Variants in CATSPERT observed in about 807,000 individuals in gnomAD.
CATSPERT encodes cation channel sperm-associated targeting subunit tau.
the CATSPERT span, among the ~76,000 whole-genome samples, chr2:201,497,722 G>A: frequency 5.9e-5 from 9 of 152,296 alleles, no homozygotes; most frequent in African/African-American, 1.7e-4. Context: ...CTTCAGTAAA[G>A]TAATATTGGG....
the CATSPERT span, chr2:201,618,866 CCTCCAGGTG>C: frequency 6.2e-7 from 1 of 1,605,900 alleles, no homozygotes; most frequent in Non-Finnish European, 8.5e-7. Context: ...TGGCCCCGGT[CCTCCAGGTG>C]CCGGCCAGGC....
the CATSPERT span, among the ~76,000 whole-genome samples, chr2:201,571,472 A>T: frequency 6.6e-6 from 1 of 152,304 alleles, no homozygotes; most frequent in South Asian, 2.1e-4. Flanking sequence ...TTGGTTTGCT[A>T]ATGACATTTG....
the CATSPERT span, chr2:201,487,955 G>T: frequency 2.2e-3 from 3,150 of 1,442,138 alleles, 9 homozygotes; most frequent in Non-Finnish European, 2.8e-3. Context: ...TTAAAAGTAG[G>T]TTTTAAATTT....
the CATSPERT span, among the ~76,000 whole-genome samples, chr2:201,516,799 C>T: frequency 2.3e-4 from 22 of 94,936 alleles, no homozygotes; most frequent in South Asian, 3.6e-4. Flanking sequence ...TGGGGGTGGG[C>T]GGGGAAGGGG....
the CATSPERT span, chr2:201,553,782 C>T: frequency 2.0e-5 from 3 of 152,192 alleles, no homozygotes; most frequent in Non-Finnish European, 4.4e-5. Context: ...AACATCTATA[C>T]AGAAAAATCA....
At chr2:201,538,882 T>A in the CATSPERT span, among the ~76,000 whole-genome samples, 1 of 152,148 alleles carries the variant, frequency 6.6e-6, no homozygotes, top group South Asian at 2.1e-4. Context: ...TGTGCTCTCA[T>A]CATTTAGCTC....
At chr2:201,562,942 G>A in the CATSPERT span, among the ~76,000 whole-genome samples, 40 of 149,494 alleles carry the variant, frequency 2.7e-4, no homozygotes, top group African/African-American at 6.9e-4. Context: ...GCAACCATCC[G>A]ATTTCTCAAT....
the CATSPERT span, among the ~76,000 whole-genome samples, chr2:201,533,248 A>T: frequency 6.6e-6 from 1 of 152,368 alleles, no homozygotes; most frequent in East Asian, 1.9e-4. Flanking sequence ...GTGAAATTTC[A>T]GCCTTCACTG....
chr2:201,577,102 T>C, the CATSPERT span, among the ~76,000 whole-genome samples: 1 of 152,182 alleles, frequency 6.6e-6, no homozygotes, highest in African/African-American at 2.4e-5. Flanking sequence ...AAGACTTTGT[T>C]TCATGCACAA....
the CATSPERT span, chr2:201,565,850 C>T: frequency 6.2e-7 from 1 of 1,602,800 alleles, no homozygotes; most frequent in East Asian, 2.2e-5. Context: ...GGATATTCTA[C>T]TGTCTGTGGT....
chr2:201,514,287 C>T, the CATSPERT span, among the ~76,000 whole-genome samples: 1 of 152,068 alleles, frequency 6.6e-6, no homozygotes, highest in Non-Finnish European at 1.5e-5. Flanking sequence ...AAAAACTTCT[C>T]ATAAAATTTA....
chr2:201,493,468 A>C, the CATSPERT span: 1 of 1,537,300 alleles, frequency 6.5e-7, no homozygotes, highest in East Asian at 2.4e-5. Context: ...CGTACCCAGC[A>C]AAGAACTCTT....
At chr2:201,601,932 A>T in the CATSPERT span, 1 of 1,370,718 alleles carries the variant, frequency 7.3e-7, no homozygotes, top group South Asian at 1.3e-5. Flanking sequence ...GTAATTGAAC[A>T]ATAATACATT....
the CATSPERT span, among the ~76,000 whole-genome samples, chr2:201,575,048 A>AG: frequency 4.4e-5 from 6 of 137,834 alleles, no homozygotes; most frequent in South Asian, 2.5e-4. Context: ...AAAAAAAAAA[A>AG]AAAAGAAGAA....
At chr2:201,536,663 C>CA in the CATSPERT span, among the ~76,000 whole-genome samples, 174 of 151,694 alleles carry the variant, frequency 1.1e-3, no homozygotes, top group South Asian at 7.1e-3. Flanking sequence ...ATTTTAATAA[C>CA]AAAATGCACA....
chr2:201,563,298 G>GAATAATTCTTATAAAAAT, the CATSPERT span, among the ~76,000 whole-genome samples: 1 of 143,300 alleles, frequency 7.0e-6, no homozygotes, highest in African/African-American at 2.6e-5. Context: ...CCCGGACGGG[G>GAATAATTCTTATAAAAAT]CGGCTGGCCG....
At chr2:201,562,187 C>CTTTTT in the CATSPERT span, among the ~76,000 whole-genome samples, 3 of 121,270 alleles carry the variant, frequency 2.5e-5, no homozygotes, top group Non-Finnish European at 3.3e-5. Flanking sequence ...TCTAATAATT[C>CTTTTT]TTTTTTTTTT....
chr2:201,556,305 C>G, the CATSPERT span, among the ~76,000 whole-genome samples: 33 of 151,884 alleles, frequency 2.2e-4, no homozygotes, highest in African/African-American at 7.5e-4. Flanking sequence ...GTCAGGAGAT[C>G]GAGACCATCC....
chr2:201,496,127 C>CATA, the CATSPERT span, among the ~76,000 whole-genome samples: 1 of 151,304 alleles, frequency 6.6e-6, no homozygotes, highest in Non-Finnish European at 1.5e-5. Flanking sequence ...AATCTATATA[C>CATA]ATATTATATA....
Sources: gnomAD v4.1 joint callset for allele counts (sites outside exome capture counted in the v4.1 genomes callset) on GRCh38, gnomAD v4.1.1 for gene constraint, MANE v1.5 for transcripts, NCBI Gene and HGNC (gene_info 2026-07-23, HGNC 2026-07-21) for gene names.